The following PRKCI variants were observed in gnomAD, a reference collection of about 807,000 sequenced individuals.
PRKCI encodes the protein protein kinase C iota.
In PRKCI, 43 loss-of-function variants were observed where a neutral mutation model predicts 84.0. The ratio of observed to expected loss-of-function variants is 0.51; its 90% CI spans 0.40 to 0.66. PRKCI has a LOEUF of 0.66. Among genes scored for constraint, PRKCI ranks in the 30% least tolerant of loss-of-function variants. PRKCI has a pLI of 0.00. For missense variants in PRKCI, 459 were observed against 745.6 expected, an observed-to-expected ratio of 0.62 and a Z score of 4.48; for synonymous variants, 216 against 234.4, an observed-to-expected ratio of 0.92 and a Z score of 0.72.
intron 4 of PRKCI, among the ~76,000 whole-genome samples, chr3:170,267,229 AAG>A (rs1455798466): frequency 1.3e-5 from 2 of 152,126 alleles, no homozygotes; most frequent in Non-Finnish European, 2.9e-5. Flanking sequence ...AGAAAAAAAA[AAG>A]TATTTTTTTT....
At chr3:170,282,184 C>T (rs1024013887) in intron 11 of PRKCI, among the ~76,000 whole-genome samples, 3 of 152,134 alleles carry the variant, frequency 2.0e-5, no homozygotes, top group Non-Finnish European at 2.9e-5. Flanking sequence ...CATACACATG[C>T]ACACAGTGCT....
At position 170,293,455 on chromosome 3, in the gene PRKCI, T is replaced by C; in HGVS notation, c.1364T>C (p.Ile455Thr). 1.2e-6 allele frequency: 2 copies of C among 1,613,672 alleles called. No homozygotes were observed. The highest frequency in any genetic ancestry group is 1.7e-6 in the Non-Finnish European group (2 of 1,179,626). Residue 455 changes from isoleucine (I) to threonine (T), a missense_variant, in exon 14 of 18, where the codon ATT (isoleucine) becomes ACT (threonine). Ile to Thr is a moderately conservative substitution (Grantham distance 89). Around this residue, in one of 2 missense-constraint regions of PRKCI, gnomAD observed 209 missense variants for 425.9 expected, o/e 0.49. Transcript: ENST00000295797. Reference protein sequence around the residue: ...EMMAGRSPFDIVGSSDNPDQN... With the variant: ...EMMAGRSPFDTVGSSDNPDQN... ...ATGGCAGGAAGGTCTCCATTTGATATTGTTGGGAGCTCCGATAACCCTGAC... is the reference window on the plus strand; with the variant it reads ...ATGGCAGGAAGGTCTCCATTTGATACTGTTGGGAGCTCCGATAACCCTGAC...
chr3:170,237,344 A>T (rs1488068882), intron 2 of PRKCI, among the ~76,000 whole-genome samples: 1 of 152,182 alleles, frequency 6.6e-6, no homozygotes, highest in East Asian at 1.9e-4. Flanking sequence ...TTTATTTTAC[A>T]TGACTATTAT....
chr3:170,287,314 T>G (rs1198478092), intron 12 of PRKCI, among the ~76,000 whole-genome samples: 1 of 150,570 alleles, frequency 6.6e-6, no homozygotes, highest in Non-Finnish European at 1.5e-5. Flanking sequence ...CAGAGTGAGA[T>G]CCTATCTAAA....
At chr3:170,261,127 ATTTTTT>A (rs982994574) in intron 3 of PRKCI, among the ~76,000 whole-genome samples, 5 of 134,624 alleles carry the variant, frequency 3.7e-5, no homozygotes, top group African/African-American at 1.4e-4. Context: ...TGACTGGCTA[ATTTTTT>A]TTTTTTTTTT....
chr3:170,264,380 A>G (rs1315254146), intron 4 of PRKCI, among the ~76,000 whole-genome samples: 1 of 152,104 alleles, frequency 6.6e-6, no homozygotes, highest in Non-Finnish European at 1.5e-5. Context: ...CTGGGGTTCA[A>G]GCAATTCTCC....
chr3:170,270,116 A>G (rs1186087767), intron 5 of PRKCI, among the ~76,000 whole-genome samples: 1 of 152,198 alleles, frequency 6.6e-6, no homozygotes, highest in Non-Finnish European at 1.5e-5. Flanking sequence ...TTTCTGCCAT[A>G]TATATTTCTA....
intron 17 of PRKCI, among the ~76,000 whole-genome samples, chr3:170,301,342 A>G (rs575432667): frequency 6.6e-6 from 1 of 152,338 alleles, no homozygotes; most frequent in Admixed American, 6.5e-5. Context: ...TGCTGTGAAG[A>G]ATAAATGCAT....
intron 16 of PRKCI, among the ~76,000 whole-genome samples, chr3:170,298,119 C>T (rs1475105506): frequency 2.0e-5 from 3 of 151,950 alleles, no homozygotes; most frequent in African/African-American, 4.8e-5. Flanking sequence ...GTGATCCACC[C>T]GCCTCAGCCT....
At chr3:170,294,356 T>C (rs977416874) in intron 14 of PRKCI, among the ~76,000 whole-genome samples, 2 of 152,212 alleles carry the variant, frequency 1.3e-5, no homozygotes, top group Non-Finnish European at 2.9e-5. Context: ...CTACATTTAA[T>C]AATTAAAGCC....
chr3:170,254,488 G>A lies in PRKCI; in HGVS notation c.224-5481G>A, dbSNP rs575769979. On this transcript the variant is annotated intron_variant, in intron 2 of 17. Transcript: ENST00000295797. ...TTTTGATTTGATTTTTGTATATGGC[G>A]AGAAATAGGGGTCTAGTTTCATTCA... 1.3e-3 allele frequency among the ~76,000 whole-genome samples: 195 copies of A among 152,204 alleles called. 2 individuals carry two copies. The highest frequency in any genetic ancestry group is 3.9e-3 in the African/African-American group (163 of 41,524).
chr3:170,250,224 G>A (rs1267839048), intron 2 of PRKCI, among the ~76,000 whole-genome samples: 1 of 151,238 alleles, frequency 6.6e-6, no homozygotes, highest in Non-Finnish European at 1.5e-5. Flanking sequence ...AGTGAGCCGA[G>A]GTGTCACCAC....
In PRKCI at chr3:170,305,047, AAT is replaced by A. The variant is rs1734922919; in HGVS notation, c.*1923_*1924del. On this transcript the variant is annotated 3_prime_UTR_variant, in exon 18 of 18. Coordinates refer to ENST00000295797, the MANE Select transcript of PRKCI (RefSeq NM_002740.6). ...TTTATATACATCCACATGTTTATTT[AAT>A]ATGTTTCTCTTAACACCTGAAACTT... is the stretch of plus-strand genomic sequence containing the variant. The A allele has an allele frequency of 6.6e-6, 1 of 152,236 alleles. No homozygotes were observed. Among genetic ancestry groups the A allele is most frequent in the South Asian group, 2.1e-4 (1 of 4,830 alleles). 9.4% of individuals were successfully genotyped at this position (152,236 alleles called of 1,614,324 possible).
chr3:170,266,512 T>C (rs1217005942), intron 4 of PRKCI, among the ~76,000 whole-genome samples: 1 of 150,122 alleles, frequency 6.7e-6, no homozygotes, highest in African/African-American at 2.5e-5. Flanking sequence ...AAATCCAGAA[T>C]GTGGGATATA....
chr3:170,285,526 T>C (rs950365322), intron 12 of PRKCI, among the ~76,000 whole-genome samples: 1 of 152,200 alleles, frequency 6.6e-6, no homozygotes, highest in African/African-American at 2.4e-5. Context: ...TATGTAAATG[T>C]GTGAATTGCA....
At chr3:170,245,779 G>GT (rs1156638813) in intron 2 of PRKCI, among the ~76,000 whole-genome samples, 1 of 152,046 alleles carries the variant, frequency 6.6e-6, no homozygotes, top group African/African-American at 2.4e-5. Flanking sequence ...ATCTCACTGT[G>GT]TTGCTCAGGT....
At chr3:170,290,796 A>G (rs186677576) in intron 12 of PRKCI, among the ~76,000 whole-genome samples, 2 of 151,542 alleles carry the variant, frequency 1.3e-5, no homozygotes, top group African/African-American at 4.8e-5. Context: ...TAGTTCCTTT[A>G]CTCTGCCTGT....
At chr3:170,251,591 A>C (rs1733446596) in intron 2 of PRKCI, among the ~76,000 whole-genome samples, 1 of 152,210 alleles carries the variant, frequency 6.6e-6, no homozygotes, top group South Asian at 2.1e-4. Flanking sequence ...ATTGGACTGG[A>C]AAATACAGAA....
intron 1 of PRKCI, among the ~76,000 whole-genome samples, chr3:170,225,572 CTTTTTTTTTT>C (rs149893996): frequency 7.0e-6 from 1 of 142,728 alleles, no homozygotes; most frequent in East Asian, 2.0e-4. Flanking sequence ...CTTTTCTTTT[CTTTTTTTTTT>C]TTTTAAATAG....
Sources: gnomAD v4.1 joint callset for allele counts (sites outside exome capture counted in the v4.1 genomes callset) on GRCh38, gnomAD v4.1.1 for gene constraint, gnomAD v4.1.1 regional missense constraint, MANE v1.5 for transcripts, NCBI Gene and HGNC (gene_info 2026-07-23, HGNC 2026-07-21) for gene names.